GABRB2: variants seen among roughly 807,000 people sequenced by gnomAD.
The protein encoded by GABRB2 is gamma-aminobutyric acid type A receptor subunit beta2.
A neutral mutation model predicts 54.7 loss-of-function variants in GABRB2; 16 were observed. The observed-to-expected ratio is 0.29, with a 90% confidence interval of 0.20 to 0.44. GABRB2 has a LOEUF of 0.44. Ranked by LOEUF, GABRB2 falls within the 20% of genes least tolerant of loss-of-function variation. The pLI, the probability that GABRB2 is intolerant of heterozygous loss-of-function variation, is 1.00. For missense variants in GABRB2, 355 were observed against 644.0 expected (o/e 0.55, Z 4.86); for synonymous variants, 244 against 233.8 (o/e 1.04, Z -0.40).
chr5:161,297,274 A>C (rs1757405144), intron 9 of GABRB2, among the ~76,000 whole-genome samples: 1 of 151,982 alleles, frequency 6.6e-6, no homozygotes, highest in African/African-American at 2.4e-5. Flanking sequence ...CTTAAAATAG[A>C]CTGCTTATTT....
intron 9 of GABRB2, among the ~76,000 whole-genome samples, chr5:161,299,035 C>G (rs1452189043): frequency 6.6e-6 from 1 of 152,142 alleles, no homozygotes; most frequent in African/African-American, 2.4e-5. Flanking sequence ...AAATAAGGCA[C>G]TCTCAGTGCA....
intron 4 of GABRB2, among the ~76,000 whole-genome samples, chr5:161,446,522 C>T (rs1429980980): frequency 6.6e-6 from 1 of 152,066 alleles, no homozygotes; most frequent in East Asian, 1.9e-4. Context: ...TCTTCACATT[C>T]AACCCATTAA....
At chr5:161,501,911 A>G (rs1176563695) in intron 3 of GABRB2, among the ~76,000 whole-genome samples, 1 of 148,794 alleles carries the variant, frequency 6.7e-6, no homozygotes, top group Non-Finnish European at 1.5e-5. Context: ...CATTATTAAA[A>G]TTATTTTATA....
rs905291977 is a variant in GABRB2 at position 161,368,169 on chromosome 5, A to G, written c.542-31400T>C. 6.1e-5 allele frequency among the ~76,000 whole-genome samples: 9 copies of G among 148,448 alleles called. No individual in the cohort carries two copies. The South Asian group carries it at 6.6e-4, about 11-fold the overall frequency. On this transcript the variant is annotated intron_variant, in intron 5 of 9. Coordinates refer to ENST00000393959, the MANE Select transcript of GABRB2 (RefSeq NM_001371727.1). Reference sequence around the variant, plus strand: ...CACACACTCTTCCACCTCCTAAAATATTTTGAAAAACTAAGTATAGATAAA... The same window carrying G: ...CACACACTCTTCCACCTCCTAAAATGTTTTGAAAAACTAAGTATAGATAAA...
intron 3 of GABRB2, among the ~76,000 whole-genome samples, chr5:161,499,710 T>C (rs1362854733): frequency 6.6e-6 from 1 of 152,178 alleles, no homozygotes; most frequent in South Asian, 2.1e-4. Flanking sequence ...CAATCCCCAC[T>C]GGATAGACTG....
chr5:161,444,378 T>C (rs1418007620), intron 4 of GABRB2, among the ~76,000 whole-genome samples: 3 of 152,182 alleles, frequency 2.0e-5, no homozygotes, highest in Non-Finnish European at 2.9e-5. Context: ...TTCTGAGACA[T>C]GTTTCTGAAA....
intron 3 of GABRB2, among the ~76,000 whole-genome samples, chr5:161,528,271 C>T (rs1760344262): frequency 6.6e-6 from 1 of 151,656 alleles, no homozygotes; most frequent in South Asian, 2.1e-4. Flanking sequence ...GTTTTGCTAA[C>T]AGTAGTTGTA....
chr5:161,436,196 A>G (rs75478990), intron 4 of GABRB2, among the ~76,000 whole-genome samples: 6 of 152,302 alleles, frequency 3.9e-5, no homozygotes, highest in Non-Finnish European at 7.4e-5. Context: ...TATTTAGTAT[A>G]GTGCATGGCA....
intron 5 of GABRB2, among the ~76,000 whole-genome samples, chr5:161,365,108 G>C (rs764440373): frequency 2.0e-5 from 3 of 152,100 alleles, no homozygotes; most frequent in Non-Finnish European, 4.4e-5. Context: ...TTTTTGGGCA[G>C]AGTTAGTAGG....
chr5:161,484,992 T>C (rs1391101630), intron 3 of GABRB2, among the ~76,000 whole-genome samples: 1 of 151,994 alleles, frequency 6.6e-6, no homozygotes, highest in African/African-American at 2.4e-5. Context: ...GTCCTTAATT[T>C]GCTTGATCTG....
At chr5:161,486,103 G>C (rs1404968367) in intron 3 of GABRB2, among the ~76,000 whole-genome samples, 1 of 151,832 alleles carries the variant, frequency 6.6e-6, no homozygotes, top group Non-Finnish European at 1.5e-5. Flanking sequence ...TCTGCCACTG[G>C]CCATTTAAGT....
chr5:161,520,159 C>T lies in GABRB2; in HGVS notation c.237+25068G>A, dbSNP rs536277571. On this transcript the variant is annotated intron_variant, in intron 3 of 9. Transcript: ENST00000393959. ...ACCTTAAAAAATATAACCACACCTT[C>T]CAGCTGGCCATGAGATTATGTGAGT... Among the ~76,000 whole-genome samples, 5 of 152,126 alleles carry T rather than the reference C, an allele frequency of 3.3e-5. No individual in the cohort carries two copies. The East Asian group carries it at 9.7e-4, about 29-fold the overall frequency.
In GABRB2 at chr5:161,288,816, ATTCGT is replaced by A. The variant is rs1279129950; in HGVS notation, c.*5260_*5264del. The A allele has an allele frequency of 2.6e-5, 4 of 152,168 alleles. No individual in the cohort carries two copies. Among genetic ancestry groups the A allele is most frequent in the African/African-American group, 9.7e-5 (4 of 41,436 alleles). 9.4% of individuals were successfully genotyped at this position (152,168 alleles called of 1,614,324 possible). On this transcript the variant is annotated 3_prime_UTR_variant, in exon 10 of 10. Transcript: ENST00000393959. ...CAATTTAGAACTGTGCAGGGACAATATTCGTAACAGAACTATTTAAACACCCATGC... is the reference window on the plus strand; with the variant it reads ...CAATTTAGAACTGTGCAGGGACAATAAACAGAACTATTTAAACACCCATGC...
At chr5:161,545,111 A>G in intron 3 of GABRB2, 116 bp downstream of exon 3, 1 of 574,754 alleles carries the variant, frequency 1.7e-6, no homozygotes, top group South Asian at 2.5e-5. Context: ...CCATGCTCTC[A>G]CCCCCACCTC....
chr5:161,421,637 G>A (rs1009909462), intron 4 of GABRB2, among the ~76,000 whole-genome samples: 7 of 152,032 alleles, frequency 4.6e-5, no homozygotes, highest in East Asian at 1.9e-4. Flanking sequence ...CTTTGGTGTC[G>A]GCTTCAGGAG....
chr5:161,528,534 T>G (rs961481489), intron 3 of GABRB2, among the ~76,000 whole-genome samples: 3 of 151,804 alleles, frequency 2.0e-5, no homozygotes. Context: ...ATATCATCAG[T>G]GACAAATTCA....
intron 5 of GABRB2, among the ~76,000 whole-genome samples, chr5:161,394,422 T>A (rs1008167273): frequency 6.6e-6 from 1 of 151,980 alleles, no homozygotes; most frequent in South Asian, 2.1e-4. Flanking sequence ...AGAAGATGAT[T>A]CTTTGAAAAT....
intron 9 of GABRB2, among the ~76,000 whole-genome samples, chr5:161,305,797 A>G (rs1174907627): frequency 6.6e-6 from 1 of 152,196 alleles, no homozygotes; most frequent in African/African-American, 2.4e-5. Context: ...TCAGTCAACC[A>G]TTTCTAATGC....
chr5:161,528,336 A>T (rs1369448597), intron 3 of GABRB2, among the ~76,000 whole-genome samples: 1 of 151,722 alleles, frequency 6.6e-6, no homozygotes, highest in East Asian at 1.9e-4. Flanking sequence ...ATGTTTACCG[A>T]TTTCTACAGT....
Sources: gnomAD v4.1 joint callset for allele counts (sites outside exome capture counted in the v4.1 genomes callset) on GRCh38, gnomAD v4.1.1 for gene constraint, MANE v1.5 for transcripts, NCBI Gene and HGNC (gene_info 2026-07-23, HGNC 2026-07-21) for gene names.